Variants in SATB1 observed in about 807,000 individuals in gnomAD.
The protein encoded by SATB1 is DNA-binding protein SATB1.
In SATB1, 11 loss-of-function variants were observed where a neutral mutation model predicts 86.9. The ratio of observed to expected loss-of-function variants is 0.13; its 90% CI spans 0.08 to 0.21. The LOEUF (loss-of-function observed/expected upper bound fraction) is 0.21. Among genes scored for constraint, SATB1 ranks in the 10% least tolerant of loss-of-function variants. The pLI is 1.00. For synonymous variants in SATB1, 357 were observed against 357.2 expected, an observed-to-expected ratio of 1.00 and a Z score of 0.01; for missense variants, 551 against 937.6, an observed-to-expected ratio of 0.59 and a Z score of 5.39.
At chr3:18,401,153 T>C (rs1697245453) in intron 5 of SATB1, among the ~76,000 whole-genome samples, 1 of 152,196 alleles carries the variant, frequency 6.6e-6, no homozygotes, top group Non-Finnish European at 1.5e-5. Flanking sequence ...TGCACTGGAC[T>C]GTGGGCCTTA....
At chr3:18,422,935 T>C (rs1009412271) in intron 1 of SATB1, among the ~76,000 whole-genome samples, 1 of 152,212 alleles carries the variant, frequency 6.6e-6, no homozygotes, top group Non-Finnish European at 1.5e-5. Flanking sequence ...ATATAGGTCA[T>C]GAAAAACTGT....
intron 5 of SATB1, 66 bp from the exon 6 acceptor site, chr3:18,397,356 C>G (rs927635727): frequency 3.3e-5 from 31 of 934,630 alleles, no homozygotes; most frequent in Non-Finnish European, 5.0e-5. Flanking sequence ...CAGAAATGAT[C>G]TCAATTGTGG....
In SATB1 at chr3:18,347,170, G is replaced by C. The variant is rs1349372187; in HGVS notation, c.*2000C>G. The C allele has an allele frequency of 6.6e-6, 1 of 152,108 alleles. No individual in the cohort carries two copies. Among genetic ancestry groups the C allele is most frequent in the Non-Finnish European group, 1.5e-5 (1 of 68,022 alleles). The allele number at this position is 152,108 out of a possible 1,614,324, so 9.4% of individuals were successfully genotyped here. The stretch of plus-strand genomic sequence containing the variant: ...CCTACCAATAAGCTCATCAGGGCCT[G>C]AGAAGATGGTAGGCAGAAAGAGAAG... On this transcript the variant is annotated 3_prime_UTR_variant, in exon 11 of 11. Coordinates refer to ENST00000338745, the MANE Select transcript of SATB1 (RefSeq NM_002971.6).
chr3:18,419,798 T>C (rs1698298283), intron 2 of SATB1, among the ~76,000 whole-genome samples: 1 of 152,198 alleles, frequency 6.6e-6, no homozygotes, highest in African/African-American at 2.4e-5. Flanking sequence ...TAGATAAAGA[T>C]CTAACAATAC....
At chr3:18,412,600 C>T (rs114402942) in intron 5 of SATB1, among the ~76,000 whole-genome samples, 191 of 152,184 alleles carry the variant, frequency 1.3e-3, no homozygotes, top group African/African-American at 4.3e-3. Context: ...GAAGAAAGGG[C>T]TTAACACTTG....
At position 18,346,297 on chromosome 3, in the gene SATB1, T is replaced by C. The variant is rs1694054367; in HGVS notation, c.*2873A>G. On this transcript the variant is annotated 3_prime_UTR_variant, in exon 11 of 11. Transcript: ENST00000338745. ...CCATGACAGATTCAGATGCACAAGG[T>C]TGAATATTACCCGTAAACTACCTGA... 1 of 151,974 alleles carries C rather than the reference T, an allele frequency of 6.6e-6. No individual in the cohort carries two copies. Among genetic ancestry groups the C allele is most frequent in the South Asian group, 2.1e-4 (1 of 4,820 alleles). The allele number at this position is 151,974 out of a possible 1,614,324, so 9.4% of individuals were successfully genotyped here. A position where few individuals can be genotyped will look rare whatever the true frequency, so the allele number is the denominator to read the frequency against.
intron 8 of SATB1, among the ~76,000 whole-genome samples, chr3:18,384,654 A>G (rs965770355): frequency 2.6e-5 from 4 of 152,198 alleles, no homozygotes; most frequent in African/African-American, 9.6e-5. Context: ...AAAAGTACCA[A>G]ACCAAATTAT....
rs769372550 is a variant in SATB1, at chr3:18,349,572, C to T, written c.1890G>A (p.Thr630=). 16 of 1,613,642 alleles carry T rather than the reference C, an allele frequency of 9.9e-6. 1 individual carries two copies. Among genetic ancestry groups the T allele is most frequent in the South Asian group, 7.7e-5 (7 of 91,068 alleles). The stretch of plus-strand genomic sequence containing the variant: ...CATCTGACTCTGCTGGAGAGGCCAC[C>T]GTGGGTTGCCGTGGGGGGAGCCGAG... ...TGPRLPPRQP[T]VASPAESDEE... is the part of the protein sequence containing the mutation. Residue 630 remains threonine (T), a synonymous_variant, in exon 11 of 11, where the codon ACG becomes ACA. Transcript: ENST00000338745. The surrounding 1 kb of genome is among the most constrained non-coding windows in gnomAD (Gnocchi z 5.5).
chr3:18,375,671 A>T (rs1054846472), intron 9 of SATB1, among the ~76,000 whole-genome samples: 13 of 152,148 alleles, frequency 8.5e-5, no homozygotes, highest in Non-Finnish European at 1.8e-4. Context: ...ACAGAACCTA[A>T]GTAAATGGCC....
At chr3:18,405,046 T>C (rs543338010) in intron 5 of SATB1, among the ~76,000 whole-genome samples, 5 of 152,130 alleles carry the variant, frequency 3.3e-5, no homozygotes, top group Non-Finnish European at 5.9e-5. Context: ...GTACTCACTG[T>C]GCAAATGTCT....
intron 9 of SATB1, among the ~76,000 whole-genome samples, chr3:18,359,480 CA>C (rs34750136): frequency 2.6e-5 from 4 of 151,598 alleles, no homozygotes; most frequent in African/African-American, 9.7e-5. Context: ...AGAATTTCCC[CA>C]AAAAAAGGTC....
intron 8 of SATB1, among the ~76,000 whole-genome samples, chr3:18,382,136 G>C (rs1696096351): frequency 6.6e-6 from 1 of 152,078 alleles, no homozygotes; most frequent in Non-Finnish European, 1.5e-5. Flanking sequence ...TTCTTGTAAA[G>C]AGACAAAATA....
rs1698514480 is a variant in SATB1 at position 18,423,798 on chromosome 3, A to G, written c.-196T>C. The stretch of plus-strand genomic sequence containing the variant: ...TGAAGGCGACTTCCCCTGAAATTGT[A>G]TTATTTTCCTTTCCCCTACCCCCGC... On this transcript the variant is annotated 5_prime_UTR_variant, in exon 1 of 11. Transcript: ENST00000338745. 6.6e-6 allele frequency: 1 copy of G among 150,828 alleles called. No homozygotes were observed. The allele number at this position is 150,828 out of a possible 1,614,324, so 9.3% of individuals were successfully genotyped here.
chr3:18,401,729 A>T (rs575666449), intron 5 of SATB1, among the ~76,000 whole-genome samples: 2 of 152,278 alleles, frequency 1.3e-5, no homozygotes, highest in Admixed American at 6.5e-5. Context: ...TGGGTCTCAT[A>T]ACCCCAGTGT....
chr3:18,357,807 C>T (rs1223943531), intron 9 of SATB1, among the ~76,000 whole-genome samples: 1 of 151,806 alleles, frequency 6.6e-6, no homozygotes, highest in East Asian at 1.9e-4. Flanking sequence ...ATGTTTTATG[C>T]ACACTGTGCC....
chr3:18,398,360 C>T (rs935068363), intron 5 of SATB1, among the ~76,000 whole-genome samples: 1 of 152,096 alleles, frequency 6.6e-6, no homozygotes, highest in African/African-American at 2.4e-5. Context: ...GATTTTGTAG[C>T]ACCAATCTAT....
rs200939681 is a variant in SATB1 at position 18,349,262 on chromosome 3, C to A, written c.2200G>T (p.Asp734Tyr). 6.2e-7 allele frequency: 1 copy of A among 1,614,192 alleles called. No individual in the cohort carries two copies. Among genetic ancestry groups the A allele is most frequent in the Admixed American group, 1.7e-5 (1 of 60,022 alleles). ...LLKDLEESVQ[D>Y]KNTNTLFSVK... ...GAAAAAAGGGTGTTAGTATTTTTAT[C>A]TTGGACACTCTCTTCCAAATCCTTC... The change falls in exon 11 of 11, where the codon GAT (aspartate) becomes TAT (tyrosine). Residue 734 changes from aspartate to tyrosine, a missense_variant. By Grantham distance (160) the Asp-to-Tyr change is radical. Coordinates refer to ENST00000338745, the MANE Select transcript of SATB1 (RefSeq NM_002971.6). This position sits in a 1 kb window ranked among gnomAD's most constrained non-coding sequence, Gnocchi z 5.5.
chr3:18,445,333 C>A (rs1356645448), intron 1 of SATB1: 1 of 984,750 alleles, frequency 1.0e-6, no homozygotes, highest in South Asian at 4.5e-5. Context: ...CCCGGGCTCC[C>A]TCCCAGCGCG....
chr3:18,373,092 C>T (rs1293229665), intron 9 of SATB1, among the ~76,000 whole-genome samples: 1 of 152,144 alleles, frequency 6.6e-6, no homozygotes, highest in Non-Finnish European at 1.5e-5. Context: ...GAAGCTGTAT[C>T]CCCCTCAGGG....
Sources: gnomAD v4.1 joint callset for allele counts (sites outside exome capture counted in the v4.1 genomes callset) on GRCh38, gnomAD v4.1.1 for gene constraint, Gnocchi (gnomAD v3.1) non-coding constraint, MANE v1.5 for transcripts, NCBI Gene and HGNC (gene_info 2026-07-23, HGNC 2026-07-21) for gene names.